COG5: variants seen among roughly 807,000 people sequenced by gnomAD.
The protein encoded by COG5 is component of oligomeric golgi complex 5, also known as conserved oligomeric Golgi complex subunit 5.
COG5 carries 86 observed loss-of-function variants against 110.4 expected under a neutral mutation model. That is an observed-to-expected ratio of 0.78 (90% CI 0.65 to 0.93). COG5 has a LOEUF of 0.93. Among genes scored for constraint, COG5 ranks in the 40% least tolerant of loss-of-function variants. The pLI is 0.00. For missense variants in COG5, 1,077 were observed against 987.0 expected (o/e 1.09, Z -1.22); for synonymous variants, 360 against 334.6 (o/e 1.08, Z -0.83).
intron 10 of COG5, among the ~76,000 whole-genome samples, chr7:107,357,013 G>A (rs1004861904): frequency 2.0e-5 from 3 of 152,000 alleles, no homozygotes; most frequent in African/African-American, 4.8e-5. Flanking sequence ...GAGATATATC[G>A]TTGTCTACTC....
At position 107,509,105 on chromosome 7, in the gene COG5, A is replaced by C. The variant is rs1337315466; in HGVS notation, c.538+18132T>G. ...CAGAAGATCAAACTACTCTGAGCTAAAGGAGAAAGTTCGAACCAATGGCAA... is the reference window on the plus strand; with the variant it reads ...CAGAAGATCAAACTACTCTGAGCTACAGGAGAAAGTTCGAACCAATGGCAA... On this transcript the variant is annotated intron_variant, in intron 6 of 21. Coordinates refer to ENST00000297135, the MANE Select transcript of COG5 (RefSeq NM_006348.5). Among the ~76,000 whole-genome samples the C allele has an allele frequency of 7.9e-5, 12 of 152,320 alleles. No homozygotes were observed. The East Asian group carries it at 2.3e-3, about 29-fold the overall frequency.
chr7:107,392,375 A>G (rs1249531421), intron 7 of COG5, among the ~76,000 whole-genome samples: 1 of 152,180 alleles, frequency 6.6e-6, no homozygotes, highest in East Asian at 1.9e-4. Context: ...TGTTCAACAT[A>G]GTTGCTATCA....
intron 7 of COG5, among the ~76,000 whole-genome samples, chr7:107,401,018 A>AT (rs1248033006): frequency 3.3e-5 from 5 of 152,116 alleles, no homozygotes; most frequent in African/African-American, 7.2e-5. Flanking sequence ...GGATCAGCAT[A>AT]TTTTTTCTTT....
intron 8 of COG5, among the ~76,000 whole-genome samples, chr7:107,366,212 A>G (rs1813598038): frequency 6.6e-6 from 1 of 152,154 alleles, no homozygotes; most frequent in Non-Finnish European, 1.5e-5. Context: ...GAGTGAAAAC[A>G]TAGTAACACA....
At chr7:107,347,868 T>A (rs1811764596) in intron 10 of COG5, among the ~76,000 whole-genome samples, 1 of 152,138 alleles carries the variant, frequency 6.6e-6, no homozygotes, top group Non-Finnish European at 1.5e-5. Flanking sequence ...GGCTCATGCC[T>A]GCAATCCCAG....
intron 6 of COG5, among the ~76,000 whole-genome samples, chr7:107,488,268 T>C (rs1293842048): frequency 6.6e-6 from 1 of 151,610 alleles, no homozygotes; most frequent in African/African-American, 2.4e-5. Context: ...TGTAAAATTA[T>C]ATTATTAAAT....
At chr7:107,440,371 T>C (rs1794634746) in intron 6 of COG5, among the ~76,000 whole-genome samples, 3 of 152,154 alleles carry the variant, frequency 2.0e-5, no homozygotes, top group Admixed American at 2.0e-4. Context: ...AGTTTAGTTT[T>C]GGTTGTTTTT....
In COG5 at chr7:107,512,689, C is replaced by T. The variant is rs573810688; in HGVS notation, c.538+14548G>A. Among the ~76,000 whole-genome samples, 705 of 152,230 alleles carry T rather than the reference C, an allele frequency of 4.6e-3. 18 individuals carry two copies. Among genetic ancestry groups the T allele is most frequent in the East Asian group, 2.3e-3 (12 of 5,176 alleles). ...AACCAAAGCAGCATGGTACTGGTAC[C>T]AAAACAGAGGTATAGACCAATGGAA... On this transcript the variant is annotated intron_variant, in intron 6 of 21. Transcript: ENST00000297135.
At chr7:107,392,222 C>A (rs1194483443) in intron 7 of COG5, among the ~76,000 whole-genome samples, 2 of 152,142 alleles carry the variant, frequency 1.3e-5, no homozygotes, top group Admixed American at 1.3e-4. Flanking sequence ...ATTCCAAGGA[C>A]AGAAAACCCA....
chr7:107,372,821 A>AT (rs1300681472), intron 7 of COG5, 61 bp from the exon 8 acceptor site: 3 of 1,520,464 alleles, frequency 2.0e-6, no homozygotes, highest in African/African-American at 2.7e-5. Context: ...CAAAATCAAC[A>AT]TAAATATACA....
Position 107,528,911 on chromosome 7 carries a change from T to C in COG5, c.418-1554A>G, listed in dbSNP as rs553026685. On this transcript the variant is annotated intron_variant, in intron 5 of 21. Transcript: ENST00000297135. Reference sequence around the variant, plus strand: ...ATACACCGTATGTATGCATACACCATACTCAAACATAAAACAAACATATAT... The same window carrying C: ...ATACACCGTATGTATGCATACACCACACTCAAACATAAAACAAACATATAT... Among the ~76,000 whole-genome samples the C allele has an allele frequency of 2.0e-5, 3 of 150,912 alleles. No individual in the cohort carries two copies. In the East Asian group the frequency reaches 5.9e-4, roughly 30 times the overall value.
chr7:107,383,232 AATG>A (rs1346334138), intron 7 of COG5, among the ~76,000 whole-genome samples: 29 of 152,240 alleles, frequency 1.9e-4, no homozygotes, highest in African/African-American at 7.0e-4. Flanking sequence ...CATTCAGCTT[AATG>A]ATAAGGAGTC....
intron 5 of COG5, among the ~76,000 whole-genome samples, chr7:107,528,606 A>C (rs547056328): frequency 7.9e-5 from 12 of 152,246 alleles, no homozygotes; most frequent in African/African-American, 2.6e-4. Context: ...GACATACTGA[A>C]TAACCAACAT....
chr7:107,350,350 T>C (rs1421343873), intron 10 of COG5, among the ~76,000 whole-genome samples: 1 of 152,222 alleles, frequency 6.6e-6, no homozygotes, highest in East Asian at 1.9e-4. Context: ...TATCTGCTCT[T>C]TTATTTCGAC....
chr7:107,236,762 A>G, intron 17 of COG5, 75 bp from the exon 18 acceptor site: 1 of 908,682 alleles, frequency 1.1e-6, no homozygotes. Context: ...CCCTCTCCCC[A>G]CCAATGCTGC....
At chr7:107,509,971 C>G (rs904670951) in intron 6 of COG5, among the ~76,000 whole-genome samples, 2 of 152,160 alleles carry the variant, frequency 1.3e-5, no homozygotes, top group Non-Finnish European at 2.9e-5. Context: ...ACCATCAAGG[C>G]TAGGAAGAAA....
intron 6 of COG5, among the ~76,000 whole-genome samples, chr7:107,439,279 G>GAA (rs150462914): frequency 6.8e-6 from 1 of 147,864 alleles, no homozygotes; most frequent in African/African-American, 2.5e-5. Flanking sequence ...GCTTATAAAA[G>GAA]AAAAAAAAAA....
chr7:107,409,371 C>T (rs1181363757), intron 7 of COG5, among the ~76,000 whole-genome samples: 1 of 149,250 alleles, frequency 6.7e-6, no homozygotes, highest in Non-Finnish European at 1.5e-5. Flanking sequence ...TGGGAGGTCA[C>T]CCAGCAGTCA....
chr7:107,346,392 G>A (rs1811600997), intron 10 of COG5, among the ~76,000 whole-genome samples: 2 of 149,030 alleles, frequency 1.3e-5, no homozygotes, highest in Admixed American at 1.3e-4. Flanking sequence ...AGGGGGGAAA[G>A]CAGCTTTTGG....
Sources: allele counts gnomAD v4.1 joint callset (sites outside exome capture counted in the v4.1 genomes callset), GRCh38; gene constraint gnomAD v4.1.1; transcripts MANE v1.5; gene names NCBI Gene and HGNC (gene_info 2026-07-23, HGNC 2026-07-21).